WNK2: variants seen among roughly 807,000 people sequenced by gnomAD.
WNK2 encodes the protein WNK lysine deficient protein kinase 2, also known as serine/threonine-protein kinase WNK2.
In WNK2, 67 loss-of-function variants were observed where a neutral mutation model predicts 192.1. The ratio of observed to expected loss-of-function variants is 0.35; its 90% confidence interval spans 0.29 to 0.43. The LOEUF is 0.43. Among genes scored for constraint, WNK2 ranks in the 20% least tolerant of loss-of-function variants. The pLI, the probability that WNK2 is intolerant of heterozygous loss-of-function variation, is 1.00. For synonymous variants in WNK2, 1,439 were observed against 1,393.9 expected, an observed-to-expected ratio of 1.03 and a Z score of -0.72; for missense variants, 2,698 against 3,089.7, an observed-to-expected ratio of 0.87 and a Z score of 3.01.
chr9:93,187,923 C>T (rs916457270), intron 2 of WNK2, among the ~76,000 whole-genome samples: 9 of 151,960 alleles, frequency 5.9e-5, no homozygotes, highest in Admixed American at 3.9e-4. Flanking sequence ...GATGTGGGGT[C>T]AGGTCTCACT....
intron 28 of WNK2, chr9:93,308,908 C>G (rs954949029): frequency 2.7e-5 from 32 of 1,187,450 alleles, no homozygotes; most frequent in Non-Finnish European, 3.1e-5. Context: ...TAGCCCTGGT[C>G]TTGGCAGACA....
intron 2 of WNK2, among the ~76,000 whole-genome samples, chr9:93,204,787 G>A (rs754600664): frequency 2.1e-4 from 32 of 152,102 alleles, no homozygotes; most frequent in Non-Finnish European, 1.0e-4. Context: ...AGGGATGCCC[G>A]AGGACACCAG....
chr9:93,260,703 G>A (rs917633033), intron 12 of WNK2, among the ~76,000 whole-genome samples: 10 of 152,200 alleles, frequency 6.6e-5, no homozygotes, highest in Admixed American at 4.6e-4. Flanking sequence ...GGTACATATT[G>A]GATAGCAGGG....
intron 28 of WNK2, among the ~76,000 whole-genome samples, chr9:93,311,613 T>TTGTGTGTGTGTG (rs71364368): frequency 0.4 from 58,345 of 145,856 alleles, 11,694 homozygotes; most frequent in Middle Eastern, 0.49. Context: ...GTTTTTTTGT[T>TTGTGTGTGTGTG]TGTGTGTGTG....
rs35704380 is a variant in WNK2, at chr9:93,317,963, G to A, written c.6628+332G>A. On this transcript the variant is annotated intron_variant, in intron 29 of 29. Transcript: ENST00000427277. ...TGCTGTGGGCACAGCACTCAGCCGC[G>A]AGGGGGACAGCGGGTGGGCAGCAAG... 1.9e-5 allele frequency: 30 copies of A among 1,612,434 alleles called. No individual in the cohort carries two copies. The East Asian group carries it at 3.6e-4, about 19-fold the overall frequency.
chr9:93,282,400 T>C (rs978741245), intron 19 of WNK2, among the ~76,000 whole-genome samples: 2 of 151,878 alleles, frequency 1.3e-5, no homozygotes, highest in African/African-American at 4.8e-5. Flanking sequence ...AAGATGCTAG[T>C]TTTAACCCAA....
intron 19 of WNK2, among the ~76,000 whole-genome samples, chr9:93,286,561 T>TG (rs1411019368): frequency 1.3e-5 from 2 of 152,218 alleles, no homozygotes; most frequent in African/African-American, 4.8e-5. Flanking sequence ...TGCAGTGTGG[T>TG]GTGAGTGTAA....
At chr9:93,261,792 A>T (rs757603776) in intron 12 of WNK2, 22 bp from the exon 13 acceptor site, 238 of 1,574,756 alleles carry the variant, frequency 1.5e-4, no homozygotes, top group Non-Finnish European at 2.0e-4. Context: ...CCTGACTTGC[A>T]CCTTGTCCCC....
At chr9:93,246,582 A>G (rs928744337) in intron 7 of WNK2, among the ~76,000 whole-genome samples, 1 of 152,208 alleles carries the variant, frequency 6.6e-6, no homozygotes, top group Non-Finnish European at 1.5e-5. Context: ...CCTGGCGTCC[A>G]CTATCCCTAA....
At chr9:93,246,168 A>G (rs760257515) in intron 7 of WNK2, among the ~76,000 whole-genome samples, 2 of 152,090 alleles carry the variant, frequency 1.3e-5, no homozygotes, top group Non-Finnish European at 2.9e-5. Flanking sequence ...GTTCATTTTG[A>G]TGCTCAAAAT....
chr9:93,263,770 G>A, intron 15 of WNK2, 36 bp downstream of exon 15: 2 of 792,654 alleles, frequency 2.5e-6, no homozygotes, highest in Non-Finnish European at 3.6e-6. Context: ...TGTGGTGGGG[G>A]TGGGGGCATG....
intron 28 of WNK2, 198 bp downstream of exon 28, chr9:93,308,782 G>A (rs896365487): frequency 9.1e-6 from 13 of 1,424,292 alleles, no homozygotes; most frequent in Middle Eastern, 2.6e-4. Flanking sequence ...CCACAGCTCC[G>A]CAGCTGGCAG....
At chr9:93,191,657 G>C (rs1388804751) in intron 2 of WNK2, among the ~76,000 whole-genome samples, 1 of 152,068 alleles carries the variant, frequency 6.6e-6, no homozygotes, top group Admixed American at 6.6e-5. Flanking sequence ...GGATAGAGGC[G>C]GGGAGGGGAG....
chr9:93,266,659 G>A (rs983977190), intron 16 of WNK2, among the ~76,000 whole-genome samples: 4 of 152,216 alleles, frequency 2.6e-5, no homozygotes, highest in Admixed American at 1.3e-4. Context: ...GGTGAATCAC[G>A]GAACACAGCA....
intron 2 of WNK2, among the ~76,000 whole-genome samples, chr9:93,205,551 T>C (rs1833203909): frequency 6.6e-6 from 1 of 151,982 alleles, no homozygotes; most frequent in Non-Finnish European, 1.5e-5. Flanking sequence ...CCCCACTCTG[T>C]CCTTCGGCCC....
chr9:93,200,420 C>T lies in WNK2; in HGVS notation c.681+14810C>T, dbSNP rs530056339. Among the ~76,000 whole-genome samples the T allele has an allele frequency of 3.3e-5, 5 of 152,348 alleles. No individual in the cohort carries two copies. The South Asian group carries it at 1.0e-3, about 32-fold the overall frequency. ...ACGTTCTGCATGTTCCCTCAAGAGC[C>T]AGCGGTGGTGGGAGAACCACAGTGT... On this transcript the variant is annotated intron_variant, in intron 2 of 29. Coordinates refer to ENST00000427277, the MANE Select transcript of WNK2 (RefSeq NM_006648.4).
At chr9:93,270,718 C>T (rs1297027630) in intron 19 of WNK2, among the ~76,000 whole-genome samples, 2 of 152,214 alleles carry the variant, frequency 1.3e-5, no homozygotes, top group East Asian at 3.9e-4. Flanking sequence ...AACCCCTCCC[C>T]ATTGCTCACC....
intron 7 of WNK2, among the ~76,000 whole-genome samples, chr9:93,244,478 AGAAAC>A (rs1201965994): frequency 6.6e-6 from 1 of 152,254 alleles, no homozygotes; most frequent in African/African-American, 2.4e-5. Context: ...AAAAAATAGA[AGAAAC>A]ACTTTAGAGA....
chr9:93,245,783 C>T (rs929088230), intron 7 of WNK2, among the ~76,000 whole-genome samples: 1 of 152,186 alleles, frequency 6.6e-6, no homozygotes, highest in Non-Finnish European at 1.5e-5. Flanking sequence ...CTTGAAATGC[C>T]CTGGCTCCAG....
Sources: gnomAD v4.1 joint callset for allele counts (sites outside exome capture counted in the v4.1 genomes callset) on GRCh38, gnomAD v4.1.1 for gene constraint, MANE v1.5 for transcripts, NCBI Gene and HGNC (gene_info 2026-07-23, HGNC 2026-07-21) for gene names.